The following CD81 variants were observed in gnomAD, a reference collection of about 807,000 sequenced individuals.
CD81 encodes the protein CD81 antigen.
Under a neutral mutation model 30.1 loss-of-function variants are expected in CD81, and 10 were observed. The ratio of observed to expected loss-of-function variants is 0.33; its 90% confidence interval spans 0.21 to 0.56. The LOEUF (loss-of-function observed/expected upper bound fraction) is 0.56. Among genes scored for constraint, CD81 ranks in the 20% least tolerant of loss-of-function variants. CD81 has a pLI of 0.89. For synonymous variants in CD81, 147 were observed against 126.4 expected (o/e 1.16, Z -1.10); for missense variants, 263 against 308.7 (o/e 0.85, Z 1.11).
At chr11:2,396,258 C>G in intron 6 of CD81, 1 of 567,264 alleles carries the variant, frequency 1.8e-6, no homozygotes, top group Non-Finnish European at 3.2e-6. Context: ...GTGTGGACGC[C>G]CCTGACAGCC....
chr11:2,389,614 C>G (rs939287134), intron 1 of CD81, among the ~76,000 whole-genome samples: 3 of 152,144 alleles, frequency 2.0e-5, no homozygotes, highest in Non-Finnish European at 4.4e-5. Flanking sequence ...CTGCCAGACT[C>G]CCAGCACAGC....
chr11:2,382,029 C>A (rs1849712687), intron 1 of CD81, among the ~76,000 whole-genome samples: 1 of 152,262 alleles, frequency 6.6e-6, no homozygotes, highest in Non-Finnish European at 1.5e-5. Context: ...AGTGCTGAAT[C>A]ATGAGAGACC....
chr11:2,379,203 C>T (rs1234695500), intron 1 of CD81: 11 of 450,764 alleles, frequency 2.4e-5, no homozygotes, highest in African/African-American at 4.1e-5. Context: ...CGTCCCCTGA[C>T]GAGGCGAGTG....
At chr11:2,386,527 G>A (rs1048102319) in intron 1 of CD81, 2 of 716,262 alleles carry the variant, frequency 2.8e-6, no homozygotes, top group East Asian at 2.7e-5. Context: ...AACCGGCAGT[G>A]ACCATCACCA....
chr11:2,379,385 G>A (rs1471025629), intron 1 of CD81, among the ~76,000 whole-genome samples: 2 of 124,780 alleles, frequency 1.6e-5, no homozygotes, highest in African/African-American at 3.1e-5. Context: ...GCCTGGGGGT[G>A]GGGGCTGAGG....
intron 3 of CD81, 181 bp from the exon 4 acceptor site, chr11:2,394,791 C>T (rs1345924653): frequency 1.3e-5 from 9 of 675,626 alleles, no homozygotes; most frequent in South Asian, 3.1e-5. Flanking sequence ...CTCCTCCCTG[C>T]GCTGAGTTTT....
At position 2,395,017 on chromosome 11, in the gene CD81, G is replaced by C; in HGVS notation, c.325G>C (p.Gly109Arg). 1 of 1,612,548 alleles carries C rather than the reference G, an allele frequency of 6.2e-7. No homozygotes were observed. Among genetic ancestry groups the C allele is most frequent in the Non-Finnish European group, 8.5e-7 (1 of 1,179,984 alleles). ...CCTGTTTGCCTGTGAGGTGGCCGCC[G>C]GCATCTGGGGCTTTGTCAACAAGGA... ...VILFACEVAA[G>R]IWGFVNKDQI... is the part of the protein sequence containing the mutation. The change falls in exon 4 of 8, where the codon GGC (glycine) becomes CGC (arginine). Residue 109 changes from glycine to arginine, a missense_variant. Transcript: ENST00000263645.
At chr11:2,395,799 C>T (rs1218269523) in intron 5 of CD81, 70 bp from the exon 6 acceptor site, 1 of 1,071,862 alleles carries the variant, frequency 9.3e-7, no homozygotes, top group East Asian at 2.4e-5. Context: ...GCCACCTCCC[C>T]ATGGGTTCCC....
chr11:2,395,645 G>A (rs530228440), intron 5 of CD81, 125 bp downstream of exon 5: 1 of 832,956 alleles, frequency 1.2e-6, no homozygotes, highest in East Asian at 2.6e-5. Context: ...GGACCTCCAG[G>A]ACCCCTGGTC....
At chr11:2,393,600 G>T in intron 2 of CD81, 1 of 488,290 alleles carries the variant, frequency 2.0e-6, no homozygotes, top group Non-Finnish European at 3.7e-6. Context: ...GCACCACACT[G>T]GGGAGGCAGC....
chr11:2,390,397 C>T lies in CD81; in HGVS notation c.67-15C>T, dbSNP rs551192381. The T allele has an allele frequency of 7.2e-4, 1,153 of 1,601,728 alleles. 15 individuals are homozygous for T. In the South Asian group the frequency reaches 0.011, roughly 15 times the overall value. On this transcript the variant is annotated splice_polypyrimidine_tract_variant and intron_variant, in intron 1 of 7. Coordinates refer to ENST00000263645, the MANE Select transcript of CD81 (RefSeq NM_004356.4). Reference sequence around the variant, plus strand: ...TGCTCTTCGTACATGTGACACTGTTCCCGCTCTTTCCCAGCTGGCTGGAGG... The same window carrying T: ...TGCTCTTCGTACATGTGACACTGTTTCCGCTCTTTCCCAGCTGGCTGGAGG...
intron 2 of CD81, 43 bp downstream of exon 2, chr11:2,390,569 TAGG>T (rs1849880978): frequency 1.4e-6 from 2 of 1,400,574 alleles, no homozygotes; most frequent in South Asian, 2.3e-5. Context: ...GGAGGGCTTC[TAGG>T]AGGAGGCAGG....
At chr11:2,387,643 C>T (rs1257375223) in intron 1 of CD81, among the ~76,000 whole-genome samples, 1 of 152,096 alleles carries the variant, frequency 6.6e-6, no homozygotes, top group Non-Finnish European at 1.5e-5. Context: ...TCTGCCCCTG[C>T]AGGATTCTGG....
chr11:2,380,994 T>G lies in CD81; in HGVS notation c.66+3379T>G, dbSNP rs540112600. Among the ~76,000 whole-genome samples the G allele has an allele frequency of 2.4e-3, 372 of 152,334 alleles. 1 individual carries two copies. Among genetic ancestry groups the G allele is most frequent in the Non-Finnish European group, 2.5e-3 (173 of 68,030 alleles). ...GTATTTCTCGCTTCCAGACAGCACA[T>G]GACTGTCATTTGGCACGTCTTTCGC... is the stretch of plus-strand genomic sequence containing the variant. On this transcript the variant is annotated intron_variant, in intron 1 of 7. Coordinates refer to ENST00000263645, the MANE Select transcript of CD81 (RefSeq NM_004356.4).
intron 6 of CD81, 81 bp downstream of exon 6, chr11:2,396,051 C>T (rs951268994): frequency 1.4e-5 from 11 of 802,424 alleles, no homozygotes; most frequent in African/African-American, 1.7e-5. Flanking sequence ...GCAGGTCACA[C>T]GGCAGCCCCA....
At chr11:2,389,876 C>T (rs1010793340) in intron 1 of CD81, among the ~76,000 whole-genome samples, 8 of 152,062 alleles carry the variant, frequency 5.3e-5, no homozygotes, top group Admixed American at 1.3e-4. Flanking sequence ...TTCTCAGCAC[C>T]CCCAGACAGA....
At chr11:2,382,845 T>G (rs895134421) in intron 1 of CD81, among the ~76,000 whole-genome samples, 1 of 152,198 alleles carries the variant, frequency 6.6e-6, no homozygotes, top group Non-Finnish European at 1.5e-5. Context: ...GTCCTGATCC[T>G]GGAGCTCCTT....
At chr11:2,389,406 G>T (rs1849855949) in intron 1 of CD81, among the ~76,000 whole-genome samples, 1 of 152,178 alleles carries the variant, frequency 6.6e-6, no homozygotes, top group Admixed American at 6.5e-5. Context: ...ACTGCCCCTA[G>T]GGAGAGAGGG....
intron 1 of CD81, 95 bp from the exon 2 acceptor site, chr11:2,390,317 A>G: frequency 1.0e-6 from 1 of 965,430 alleles, no homozygotes; most frequent in Non-Finnish European, 1.7e-6. Context: ...GGGAGCCAGC[A>G]AGGCAGGAGG....
Sources: gnomAD v4.1 joint callset for allele counts (sites outside exome capture counted in the v4.1 genomes callset) on GRCh38, gnomAD v4.1.1 for gene constraint, MANE v1.5 for transcripts, NCBI Gene and HGNC (gene_info 2026-07-23, HGNC 2026-07-21) for gene names.